PACRG: variants seen among roughly 807,000 people sequenced by gnomAD.
PACRG encodes parkin coregulated gene protein.
Under a neutral mutation model 29.7 loss-of-function variants are expected in PACRG, and 29 were observed. The ratio of observed to expected loss-of-function variants is 0.98; its 90% CI spans 0.73 to 1.33. The LOEUF (loss-of-function observed/expected upper bound fraction) is 1.33. PACRG is among the 40% of genes most tolerant of loss of function. The pLI is 0.00. For synonymous variants in PACRG, 116 were observed against 118.7 expected (o/e 0.98, Z 0.15); for missense variants, 279 against 316.2 (o/e 0.88, Z 0.89).
intron 2 of PACRG, among the ~76,000 whole-genome samples, chr6:162,885,917 T>C (rs1403093217): frequency 6.6e-6 from 1 of 152,248 alleles, no homozygotes; most frequent in African/African-American, 2.4e-5. Flanking sequence ...TAAAGTTACT[T>C]TATCAAATTC....
At chr6:162,759,502 A>T (rs1167563667) in intron 1 of PACRG, among the ~76,000 whole-genome samples, 1 of 152,252 alleles carries the variant, frequency 6.6e-6, no homozygotes, top group Non-Finnish European at 1.5e-5. Context: ...TTGAAAGAAT[A>T]GTGGGTATCA....
intron 3 of PACRG, among the ~76,000 whole-genome samples, chr6:163,088,346 G>A (rs1813784476): frequency 6.6e-6 from 1 of 152,148 alleles, no homozygotes; most frequent in African/African-American, 2.4e-5. Context: ...TTTATTAATT[G>A]CACTTTTGAC....
chr6:163,243,331 A>G (rs1470511568), intron 4 of PACRG, among the ~76,000 whole-genome samples: 1 of 152,226 alleles, frequency 6.6e-6, no homozygotes, highest in Non-Finnish European at 1.5e-5. Flanking sequence ...GCCTGGCACC[A>G]AGTTATGCCT....
Position 163,288,155 on chromosome 6 carries a change from G to A in PACRG, c.614-26672G>A, listed in dbSNP as rs114276405. Among the ~76,000 whole-genome samples the A allele has an allele frequency of 9.0e-3, 1,363 of 152,240 alleles. 20 individuals carry two copies. Among genetic ancestry groups the A allele is most frequent in the African/African-American group, 0.032 (1,309 of 41,536 alleles). Reference sequence around the variant, plus strand: ...CTCAGGTTTTCTTAATTGCAATTTCGTCTCATGCGCTTGAAATGCCAAGCA... The same window carrying A: ...CTCAGGTTTTCTTAATTGCAATTTCATCTCATGCGCTTGAAATGCCAAGCA... On this transcript the variant is annotated intron_variant, in intron 4 of 4. Coordinates refer to ENST00000366888, the MANE Select transcript of PACRG (RefSeq NM_001080379.2).
intron 2 of PACRG, among the ~76,000 whole-genome samples, chr6:162,830,332 G>A (rs562456890): frequency 8.5e-5 from 13 of 152,224 alleles, no homozygotes; most frequent in Admixed American, 6.5e-4. Context: ...CTGTGACCCT[G>A]ACCTGCCCCT....
intron 4 of PACRG, among the ~76,000 whole-genome samples, chr6:163,246,664 A>T (rs1326309605): frequency 1.3e-5 from 2 of 152,206 alleles, no homozygotes; most frequent in African/African-American, 2.4e-5. Flanking sequence ...TGATTATGTG[A>T]CGTTAGAAGC....
At chr6:163,077,493 A>G (rs1428534187) in intron 3 of PACRG, among the ~76,000 whole-genome samples, 1 of 152,162 alleles carries the variant, frequency 6.6e-6, no homozygotes, top group East Asian at 1.9e-4. Flanking sequence ...TAGTGGGGAA[A>G]AACACCACCG....
At chr6:163,212,309 C>T (rs1437460216) in intron 4 of PACRG, among the ~76,000 whole-genome samples, 1 of 152,094 alleles carries the variant, frequency 6.6e-6, no homozygotes, top group African/African-American at 2.4e-5. Flanking sequence ...GCTATGTTCA[C>T]TGTGAGGGCC....
At chr6:163,166,118 G>A (rs887854011) in intron 4 of PACRG, 5 of 456,140 alleles carry the variant, frequency 1.1e-5, no homozygotes, top group Non-Finnish European at 2.2e-5. Flanking sequence ...GCAGGGCTTG[G>A]CGCGGGGTTT....
At chr6:163,200,983 T>A (rs1470805940) in intron 4 of PACRG, among the ~76,000 whole-genome samples, 1 of 152,214 alleles carries the variant, frequency 6.6e-6, no homozygotes, top group Non-Finnish European at 1.5e-5. Context: ...CCGCAGAACA[T>A]GGGTCCTGCC....
At position 163,006,374 on chromosome 6, in the gene PACRG, A is replaced by G. The variant is rs58059652; in HGVS notation, c.292-55776A>G. Among the ~76,000 whole-genome samples the G allele has an allele frequency of 6.8e-3, 1,031 of 151,342 alleles. 15 individuals are homozygous for G. The highest frequency in any genetic ancestry group is 0.023 in the African/African-American group (966 of 41,372). ...ATTTTCGTAAATGTTCTGGGTGTAA[A>G]GAAGATACATGTGTGATACTGTGGG... On this transcript the variant is annotated intron_variant, in intron 2 of 4. Transcript: ENST00000366888.
chr6:162,967,969 C>A (rs886473219), intron 2 of PACRG, among the ~76,000 whole-genome samples: 1 of 152,128 alleles, frequency 6.6e-6, no homozygotes, highest in Admixed American at 6.5e-5. Context: ...TATTTCCTCA[C>A]CTTAAAAATT....
intron 4 of PACRG, among the ~76,000 whole-genome samples, chr6:163,231,964 T>C (rs1416224678): frequency 1.3e-5 from 2 of 152,258 alleles, no homozygotes; most frequent in Non-Finnish European, 2.9e-5. Flanking sequence ...TAATGCTGCA[T>C]TGGCAGATAT....
In PACRG at chr6:162,728,135, C is replaced by T; in HGVS notation, c.-101C>T. On this transcript the variant is annotated 5_prime_UTR_variant, in exon 1 of 5. Transcript: ENST00000366888. Reference sequence around the variant, plus strand: ...CGAGGGGTTGAATTTCTACCATTATCGCGCCTTTTGATATTTTTTTCCAGA... The same window carrying T: ...CGAGGGGTTGAATTTCTACCATTATTGCGCCTTTTGATATTTTTTTCCAGA... 1 of 1,371,230 alleles carries T rather than the reference C, an allele frequency of 7.3e-7. No homozygotes were observed. The highest frequency in any genetic ancestry group is 1.0e-6 in the Non-Finnish European group (1 of 1,001,270). 84.9% of individuals were successfully genotyped at this position (1,371,230 alleles called of 1,614,324 possible).
At chr6:162,798,905 A>G (rs1478027868) in intron 1 of PACRG, among the ~76,000 whole-genome samples, 1 of 152,210 alleles carries the variant, frequency 6.6e-6, no homozygotes, top group South Asian at 2.1e-4. Flanking sequence ...TATCTAACAT[A>G]TTTCAAATTC....
chr6:162,915,509 A>G (rs576537347), intron 2 of PACRG, among the ~76,000 whole-genome samples: 1 of 152,056 alleles, frequency 6.6e-6, no homozygotes, highest in African/African-American at 2.4e-5. Flanking sequence ...GTTTTGTACT[A>G]TTAATACCTA....
intron 2 of PACRG, among the ~76,000 whole-genome samples, chr6:163,004,544 G>A (rs374019924): frequency 6.6e-6 from 1 of 151,608 alleles, no homozygotes; most frequent in East Asian, 2.0e-4. Flanking sequence ...TCACTATCAG[G>A]AGAACAGCAT....
At chr6:163,275,105 C>G (rs1447499143) in intron 4 of PACRG, among the ~76,000 whole-genome samples, 1 of 151,898 alleles carries the variant, frequency 6.6e-6, no homozygotes, top group Non-Finnish European at 1.5e-5. Context: ...AACTTCTGAC[C>G]CCAAATGATC....
In PACRG at chr6:162,747,123, G is replaced by A. The variant is rs1781049003; in HGVS notation, c.156+18732G>A. 2.0e-5 allele frequency among the ~76,000 whole-genome samples: 3 copies of A among 151,516 alleles called. No homozygotes were observed. The South Asian group carries it at 6.3e-4, about 32-fold the overall frequency. Reference sequence around the variant, plus strand: ...ACATTTGAATCAGTGGGCTGGGAGAGGCAGACCCATCCTTAACCTGAGTGG... The same window carrying A: ...ACATTTGAATCAGTGGGCTGGGAGAAGCAGACCCATCCTTAACCTGAGTGG... On this transcript the variant is annotated intron_variant, in intron 1 of 4. Transcript: ENST00000366888.
Sources: allele counts gnomAD v4.1 joint callset (sites outside exome capture counted in the v4.1 genomes callset), GRCh38; gene constraint gnomAD v4.1.1; transcripts MANE v1.5; gene names NCBI Gene and HGNC (gene_info 2026-07-23, HGNC 2026-07-21).